AP2A2: variants seen among roughly 807,000 people sequenced by gnomAD.
AP2A2 encodes the protein adaptor related protein complex 2 subunit alpha 2.
Under a neutral mutation model 104.2 loss-of-function variants are expected in AP2A2, and 32 were observed. The ratio of observed to expected loss-of-function variants is 0.31; its 90% confidence interval spans 0.23 to 0.41. AP2A2 has a LOEUF of 0.41. Among genes scored for constraint, AP2A2 ranks in the 10% least tolerant of loss-of-function variants. AP2A2 has a pLI of 1.00. For missense variants in AP2A2, 912 were observed against 1,261.0 expected (o/e 0.72, Z 4.19); for synonymous variants, 539 against 533.3 (o/e 1.01, Z -0.15).
At chr11:979,863 C>A (rs1460084215) in intron 5 of AP2A2, among the ~76,000 whole-genome samples, 1 of 152,156 alleles carries the variant, frequency 6.6e-6, no homozygotes, top group African/African-American at 2.4e-5. Flanking sequence ...ACCGTGCCCA[C>A]GCAAGTAGAC....
chr11:983,009 TTC>T (rs1463187293), intron 6 of AP2A2, among the ~76,000 whole-genome samples: 1 of 139,208 alleles, frequency 7.2e-6, no homozygotes, highest in Non-Finnish European at 1.5e-5. Context: ...TGTGCATATT[TTC>T]TTTTTCTTTT....
intron 1 of AP2A2, chr11:932,681 C>T (rs1264810696): frequency 4.4e-6 from 2 of 456,104 alleles, no homozygotes; most frequent in South Asian, 3.1e-5. Flanking sequence ...GAAGGAAGTC[C>T]TTGCTCGGGT....
intron 16 of AP2A2, among the ~76,000 whole-genome samples, 178 bp downstream of exon 16, chr11:1,003,982 C>T (rs1006629763): frequency 6.7e-6 from 1 of 148,280 alleles, no homozygotes. Flanking sequence ...TGGGCAAACA[C>T]ATCAAGACCC....
At chr11:951,737 G>A (rs1239166191) in intron 1 of AP2A2, among the ~76,000 whole-genome samples, 1 of 152,214 alleles carries the variant, frequency 6.6e-6, no homozygotes, top group East Asian at 1.9e-4. Flanking sequence ...TGACATTCCA[G>A]TCCAGGCCTG....
Position 988,035 on chromosome 11 carries a change from C to T in AP2A2, c.1132-517C>T, listed in dbSNP as rs1048768950. 5.9e-5 allele frequency among the ~76,000 whole-genome samples: 9 copies of T among 152,260 alleles called. No individual in the cohort carries two copies. The South Asian group carries it at 6.2e-4, about 10-fold the overall frequency. On this transcript the variant is annotated intron_variant, in intron 9 of 21. Transcript: ENST00000448903. The stretch of plus-strand genomic sequence containing the variant: ...GAAGGGCTGGACACTCATTTGCACA[C>T]GGCCAGTGCTAGCGCTGGTGGTGCC...
At chr11:952,421 C>G (rs563303359) in intron 1 of AP2A2, among the ~76,000 whole-genome samples, 1 of 152,186 alleles carries the variant, frequency 6.6e-6, no homozygotes, top group African/African-American at 2.4e-5. Flanking sequence ...AATTCAAGAG[C>G]TTTTATCCAA....
chr11:933,927 T>G (rs549859983), intron 1 of AP2A2, among the ~76,000 whole-genome samples: 1 of 152,118 alleles, frequency 6.6e-6, no homozygotes, highest in Non-Finnish European at 1.5e-5. Context: ...ACCTGGTGAT[T>G]GGAGTGTGGG....
At chr11:994,346 G>T in intron 14 of AP2A2, 101 bp downstream of exon 14, 2 of 1,454,202 alleles carry the variant, frequency 1.4e-6, no homozygotes, top group South Asian at 1.3e-5. Context: ...CATGTACTGA[G>T]AACCCAGGCT....
chr11:950,054 C>T (rs1313078353), intron 1 of AP2A2, among the ~76,000 whole-genome samples: 2 of 152,020 alleles, frequency 1.3e-5, no homozygotes, highest in South Asian at 2.1e-4. Flanking sequence ...ATTGAGAGTA[C>T]AGAAGTAAAC....
chr11:972,883 C>G (rs1476900641), intron 4 of AP2A2, among the ~76,000 whole-genome samples: 1 of 152,280 alleles, frequency 6.6e-6, no homozygotes, highest in Non-Finnish European at 1.5e-5. Flanking sequence ...TGCCCGTTCC[C>G]CAGGGCTTCA....
intron 16 of AP2A2, among the ~76,000 whole-genome samples, chr11:1,006,130 C>T (rs1483954612): frequency 6.6e-6 from 1 of 152,232 alleles, no homozygotes; most frequent in Non-Finnish European, 1.5e-5. Context: ...GCGGGGCCGG[C>T]AGAGGCCTGT....
chr11:971,407 A>G lies in AP2A2; in HGVS notation c.280-655A>G, dbSNP rs1431313120. Among the ~76,000 whole-genome samples, 6 of 152,012 alleles carry G rather than the reference A, an allele frequency of 3.9e-5. No individual in the cohort carries two copies. The East Asian group carries it at 1.2e-3, about 29-fold the overall frequency. On this transcript the variant is annotated intron_variant, in intron 3 of 21. Transcript: ENST00000448903. ...GGGCAGTGGTGTTTGGCAGGGCGGG[A>G]GCTCCCTCGTGGCGTCTTCCTGGGA...
chr11:993,308 G>A lies in AP2A2; in HGVS notation c.1477G>A (p.Glu493Lys), dbSNP rs756766347. The A allele has an allele frequency of 4.3e-6, 7 of 1,611,494 alleles. No homozygotes were observed. The highest frequency in any genetic ancestry group is 5.9e-6 in the Non-Finnish European group (7 of 1,179,282). Residue 493 changes from glutamate (E) to lysine (K), a missense_variant, in exon 12 of 22, where the codon GAG (glutamate) becomes AAG (lysine). By Grantham distance (56) the Glu-to-Lys change is moderately conservative. Transcript: ENST00000448903. The surrounding 1 kb of genome is among the most constrained non-coding windows in gnomAD (Gnocchi z 8.2). ...FEALQAPACHENLVKVGGYIL... is the reference protein window; with the variant it reads ...FEALQAPACHKNLVKVGGYIL... ...GGCTCTTCAGGCTCCCGCGTGCCAC[G>A]AGAACCTGGTCAAAGTGGGCGGCTA... is the stretch of plus-strand genomic sequence containing the variant.
intron 1 of AP2A2, among the ~76,000 whole-genome samples, chr11:944,232 C>T (rs897198051): frequency 2.0e-5 from 3 of 152,176 alleles, no homozygotes; most frequent in African/African-American, 4.8e-5. Flanking sequence ...AGGAAATGCT[C>T]GTTGTTTTCC....
At chr11:936,235 T>C (rs959245943) in intron 1 of AP2A2, among the ~76,000 whole-genome samples, 4 of 123,024 alleles carry the variant, frequency 3.3e-5, no homozygotes, top group Middle Eastern at 4.9e-3. Context: ...TTTTTAAAGA[T>C]ATAGGGTCTT....
intron 14 of AP2A2, among the ~76,000 whole-genome samples, chr11:994,875 G>T (rs61867647): frequency 4.3e-4 from 43 of 99,618 alleles, no homozygotes; most frequent in South Asian, 6.8e-4. Flanking sequence ...CACCCTGCTG[G>T]CCTGTCCCGG....
intron 1 of AP2A2, among the ~76,000 whole-genome samples, chr11:947,510 A>G (rs1344441400): frequency 6.6e-6 from 1 of 152,116 alleles, no homozygotes; most frequent in African/African-American, 2.4e-5. Context: ...TTAAGGTGCT[A>G]GTTGGCTGGG....
At position 992,788 on chromosome 11, in the gene AP2A2, G is replaced by A; in HGVS notation, c.1452+103G>A. On this transcript the variant is annotated intron_variant, in intron 11 of 21. Transcript: ENST00000448903. This position sits in a 1 kb window ranked among gnomAD's most constrained non-coding sequence, Gnocchi z 6.4. ...CTGCGTGGAGGTGCCGAGGGCCGTTGCTGACCCCTCTTGCCCCTCAGCTCT... is the reference window on the plus strand; with the variant it reads ...CTGCGTGGAGGTGCCGAGGGCCGTTACTGACCCCTCTTGCCCCTCAGCTCT... The A allele has an allele frequency of 7.7e-7, 1 of 1,292,640 alleles. No homozygotes were observed. The allele number at this position is 1,292,640 out of a possible 1,614,324, so 80.1% of individuals were successfully genotyped here. A position where few individuals can be genotyped will look rare whatever the true frequency, so the allele number is the denominator to read the frequency against.
intron 14 of AP2A2, among the ~76,000 whole-genome samples, chr11:994,743 G>A (rs1314520481): frequency 2.8e-5 from 3 of 105,642 alleles, no homozygotes; most frequent in Non-Finnish European, 6.1e-5. Flanking sequence ...CCTGCTGGAC[G>A]CCCCCCTGGC....
Sources: allele counts gnomAD v4.1 joint callset (sites outside exome capture counted in the v4.1 genomes callset), GRCh38; gene constraint gnomAD v4.1.1; non-coding constraint Gnocchi (gnomAD v3.1); transcripts MANE v1.5; gene names NCBI Gene and HGNC (gene_info 2026-07-23, HGNC 2026-07-21).